Variants in MPPED2 observed in about 807,000 individuals in gnomAD.
MPPED2 encodes the protein metallophosphoesterase MPPED2.
In MPPED2, 5 loss-of-function variants were observed where a neutral mutation model predicts 33.0. That is an observed-to-expected ratio of 0.15 (90% CI 0.08 to 0.32). MPPED2 has a LOEUF of 0.32. Ranked by LOEUF, MPPED2 falls within the 10% of genes least tolerant of loss-of-function variation. MPPED2 has a pLI of 1.00. For missense variants in MPPED2, 275 were observed against 372.1 expected (o/e 0.74, Z 2.15); for synonymous variants, 136 against 141.9 (o/e 0.96, Z 0.29).
At chr11:30,523,621 C>CTTTTT (rs755853042) in intron 3 of MPPED2, among the ~76,000 whole-genome samples, 8 of 104,596 alleles carry the variant, frequency 7.6e-5, no homozygotes, top group African/African-American at 2.0e-4. Context: ...AGCAACACAT[C>CTTTTT]TTTTTTTTTT....
intron 3 of MPPED2, among the ~76,000 whole-genome samples, chr11:30,524,945 C>A (rs1954085080): frequency 6.6e-6 from 1 of 152,136 alleles, no homozygotes; most frequent in Admixed American, 6.5e-5. Context: ...TAAGATAAAA[C>A]CAGCACTCCA....
At chr11:30,586,744 G>C (rs1179044752), upstream of MPPED2, 3 of 152,268 alleles carry the variant, frequency 2.0e-5, no homozygotes, top group Non-Finnish European at 4.4e-5. This position sits in a 1 kb window ranked among gnomAD's most constrained non-coding sequence, Gnocchi z 4.8. Flanking sequence ...CCACCGACCT[G>C]CCAGGCTCTG....
chr11:30,473,909 G>A (rs749897622), intron 4 of MPPED2, among the ~76,000 whole-genome samples: 2 of 152,184 alleles, frequency 1.3e-5, no homozygotes, highest in Non-Finnish European at 2.9e-5. Flanking sequence ...AACCACCTGA[G>A]TAATGTTGGA....
chr11:30,533,077 G>A (rs555451594), intron 3 of MPPED2, among the ~76,000 whole-genome samples: 1 of 152,270 alleles, frequency 6.6e-6, no homozygotes, highest in South Asian at 2.1e-4. Context: ...CTTCAAATGT[G>A]CATGCTTCCA....
At chr11:30,560,544 T>G (rs553636541) in intron 2 of MPPED2, among the ~76,000 whole-genome samples, 2 of 152,090 alleles carry the variant, frequency 1.3e-5, no homozygotes, top group Non-Finnish European at 2.9e-5. Context: ...CATGAACAAG[T>G]ATTTCTCTAG....
intron 1 of MPPED2, among the ~76,000 whole-genome samples, chr11:30,585,731 AG>A (rs1174583280): frequency 6.6e-6 from 1 of 152,044 alleles, no homozygotes; most frequent in Non-Finnish European, 1.5e-5. Context: ...AGAAGAGAAG[AG>A]GCGCAGGATG....
chr11:30,410,281 A>G lies in MPPED2; in HGVS notation c.*1187T>C. Reference sequence around the variant, plus strand: ...AGGCCGCTAGATATAGAATATCACAATAAATTTAAAGAAACAACTGCTTTC... The same window carrying G: ...AGGCCGCTAGATATAGAATATCACAGTAAATTTAAAGAAACAACTGCTTTC... On this transcript the variant is annotated 3_prime_UTR_variant, in exon 7 of 7. Transcript: ENST00000358117. 1.0e-6 allele frequency: 1 copy of G among 985,390 alleles called. No homozygotes were observed. The highest frequency in any genetic ancestry group is 1.2e-6 in the Non-Finnish European group (1 of 829,486). The allele number at this position is 985,390 out of a possible 1,614,324, so 61.0% of individuals were successfully genotyped here.
At chr11:30,504,844 T>A (rs1307117358) in intron 3 of MPPED2, 1 of 1,250,790 alleles carries the variant, frequency 8.0e-7, no homozygotes, top group Non-Finnish European at 1.0e-6. Flanking sequence ...CTAAGAAATA[T>A]TAAACACAGA....
chr11:30,497,739 G>A (rs1479302894), intron 3 of MPPED2, among the ~76,000 whole-genome samples: 2 of 148,900 alleles, frequency 1.3e-5, no homozygotes, highest in Non-Finnish European at 2.9e-5. Context: ...TAAAACTGCT[G>A]CAAAGTAAAT....
At chr11:30,427,582 A>T (rs928755707) in intron 4 of MPPED2, among the ~76,000 whole-genome samples, 12 of 152,352 alleles carry the variant, frequency 7.9e-5, no homozygotes, top group Middle Eastern at 3.4e-3. Context: ...CACAGAGAAG[A>T]TGTGTATTTG....
chr11:30,448,760 C>T (rs543313863), intron 4 of MPPED2, among the ~76,000 whole-genome samples: 27 of 152,032 alleles, frequency 1.8e-4, no homozygotes, highest in South Asian at 2.1e-4. Context: ...CCGCAACCTC[C>T]GCCTCCCGGG....
At chr11:30,392,974 T>A (rs992166899) in intron 6 of MPPED2, among the ~76,000 whole-genome samples, 1 of 152,276 alleles carries the variant, frequency 6.6e-6, no homozygotes, top group Non-Finnish European at 1.5e-5. Context: ...TTGGTTCAAG[T>A]CTTCCCTCTG....
chr11:30,466,548 C>T (rs1950715194), intron 4 of MPPED2, among the ~76,000 whole-genome samples: 1 of 152,160 alleles, frequency 6.6e-6, no homozygotes, highest in South Asian at 2.1e-4. Flanking sequence ...TGGCAGAGGT[C>T]AATCTGCCCT....
chr11:30,532,815 G>A (rs1415213223), intron 3 of MPPED2, among the ~76,000 whole-genome samples: 3 of 152,046 alleles, frequency 2.0e-5, no homozygotes, highest in East Asian at 3.9e-4. Flanking sequence ...GATAAATTAC[G>A]CATGTTAATG....
At chr11:30,507,163 T>C (rs565974121) in intron 3 of MPPED2, among the ~76,000 whole-genome samples, 23 of 152,308 alleles carry the variant, frequency 1.5e-4, no homozygotes, top group African/African-American at 4.8e-4. Context: ...AACCAAATCA[T>C]GGGTTCCAAT....
At chr11:30,554,793 C>G (rs953403427) in intron 2 of MPPED2, among the ~76,000 whole-genome samples, 1 of 152,172 alleles carries the variant, frequency 6.6e-6, no homozygotes, top group Admixed American at 6.5e-5. Context: ...CCATGCCCAG[C>G]CTGCACCACA....
rs148879772 is a variant in MPPED2 at position 30,548,737 on chromosome 11, A to G, written c.129-12562T>C. ...AGTAATGTCATTAGACATAAAAGAA[A>G]CAATTTAAATTGAAGAGGGAGAGAG... is the stretch of plus-strand genomic sequence containing the variant. On this transcript the variant is annotated intron_variant, in intron 2 of 6. Transcript: ENST00000358117. Among the ~76,000 whole-genome samples the G allele has an allele frequency of 3.6e-3, 549 of 152,330 alleles. 5 individuals are homozygous for G. Among genetic ancestry groups the G allele is most frequent in the African/African-American group, 0.012 (514 of 41,570 alleles).
At chr11:30,453,274 G>A (rs186758956) in intron 4 of MPPED2, among the ~76,000 whole-genome samples, 12 of 152,246 alleles carry the variant, frequency 7.9e-5, no homozygotes, top group South Asian at 4.1e-4. Flanking sequence ...CCTCTAAAGC[G>A]TTCCAGGTTC....
chr11:30,394,869 C>A (rs1240830893), intron 6 of MPPED2, among the ~76,000 whole-genome samples: 1 of 152,108 alleles, frequency 6.6e-6, no homozygotes, highest in African/African-American at 2.4e-5. Flanking sequence ...TAGATTTATG[C>A]TTTACATTTA....
Sources: allele counts gnomAD v4.1 joint callset (sites outside exome capture counted in the v4.1 genomes callset), GRCh38; gene constraint gnomAD v4.1.1; non-coding constraint Gnocchi (gnomAD v3.1); transcripts MANE v1.5; gene names NCBI Gene and HGNC (gene_info 2026-07-23, HGNC 2026-07-21).